TFDP2: variants seen among roughly 807,000 people sequenced by gnomAD.
The protein encoded by TFDP2 is transcription factor Dp-2, also known as transcription factor Dp-2 (E2F dimerization partner 2).
Under a neutral mutation model 59.3 loss-of-function variants are expected in TFDP2, and 17 were observed. That is an observed-to-expected ratio of 0.29 (90% CI 0.20 to 0.43). The LOEUF (loss-of-function observed/expected upper bound fraction) is 0.43, where lower values mean the gene tolerates loss of function less well. TFDP2 is among the 20% of genes least tolerant of loss of function. The probability of loss-of-function intolerance (pLI) is 1.00; values close to 1 mark genes in which losing one functional copy is unlikely to be tolerated. For missense variants in TFDP2, 391 were observed against 528.8 expected (o/e 0.74, Z 2.56); for synonymous variants, 180 against 194.7 (o/e 0.92, Z 0.63).
chr3:141,983,053 A>T (rs912173440), intron 6 of TFDP2, among the ~76,000 whole-genome samples: 1 of 152,234 alleles, frequency 6.6e-6, no homozygotes, highest in African/African-American at 2.4e-5. Context: ...TTTCATAAGC[A>T]ATATAAAACC....
chr3:142,070,271 C>T (rs911804191), intron 3 of TFDP2, among the ~76,000 whole-genome samples: 3 of 152,030 alleles, frequency 2.0e-5, no homozygotes, highest in Admixed American at 6.6e-5. Flanking sequence ...GAGTGAAATA[C>T]GATACATCAG....
intron 1 of TFDP2, among the ~76,000 whole-genome samples, chr3:142,142,827 A>T (rs1283431508): frequency 6.6e-6 from 1 of 152,256 alleles, no homozygotes; most frequent in African/African-American, 2.4e-5. Context: ...TTTTCCACAA[A>T]GATGCCAAGA....
intron 3 of TFDP2, among the ~76,000 whole-genome samples, chr3:142,015,785 T>A (rs1055178194): frequency 6.6e-6 from 1 of 152,202 alleles, no homozygotes; most frequent in East Asian, 1.9e-4. Flanking sequence ...TTAATTTTAA[T>A]TAACATATTT....
At chr3:141,959,928 G>A in intron 10 of TFDP2, 88 bp from the exon 11 acceptor site, 1 of 1,330,834 alleles carries the variant, frequency 7.5e-7, no homozygotes, top group Non-Finnish European at 1.0e-6. Flanking sequence ...AACAGAATGG[G>A]GGCCTAAATC....
intron 3 of TFDP2, among the ~76,000 whole-genome samples, chr3:142,014,859 C>G (rs1019944129): frequency 2.0e-5 from 3 of 152,210 alleles, no homozygotes; most frequent in African/African-American, 7.2e-5. Flanking sequence ...CCTCCAGTTA[C>G]CAACTAATTT....
rs762134458 is a variant in TFDP2, at chr3:141,978,399, TC to T, written c.519+120del. ...AATAAAACTCAACAACAACAAAAAATCCCCCAAAATAAAGGATAAAACCCTC... is the reference window on the plus strand; with the variant it reads ...AATAAAACTCAACAACAACAAAAAATCCCCAAAATAAAGGATAAAACCCTC... On this transcript the variant is annotated intron_variant, in intron 7 of 12. Coordinates refer to ENST00000489671, the MANE Select transcript of TFDP2 (RefSeq NM_001178139.2). The T allele has an allele frequency of 3.0e-6, 3 of 1,012,098 alleles. No individual in the cohort carries two copies. The Admixed American group carries it at 9.7e-5, about 33-fold the overall frequency. 62.7% of individuals were successfully genotyped at this position (1,012,098 alleles called of 1,614,324 possible). A position where few individuals can be genotyped will look rare whatever the true frequency, so the allele number is the denominator to read the frequency against.
intron 5 of TFDP2, chr3:141,994,374 C>T (rs1013291274): frequency 1.1e-4 from 17 of 152,030 alleles, no homozygotes; most frequent in African/African-American, 3.6e-4. Context: ...AGTAACAAAA[C>T]GTCTAAGGTA....
chr3:141,987,938 C>CAAA (rs373394427), intron 6 of TFDP2, among the ~76,000 whole-genome samples: 1 of 129,552 alleles, frequency 7.7e-6, no homozygotes. Flanking sequence ...GACCCTGCCT[C>CAAA]AAAAAAAAAA....
rs2063300781 is a variant in TFDP2, at chr3:142,149,281, GGC to G, written c.-193_-192del. The G allele has an allele frequency of 2.5e-6, 1 of 396,400 alleles. No homozygotes were observed. Among genetic ancestry groups the G allele is most frequent in the African/African-American group, 2.1e-5 (1 of 48,612 alleles). The allele number at this position is 396,400 out of a possible 1,614,324, so 24.6% of individuals were successfully genotyped here. A position where few individuals can be genotyped will look rare whatever the true frequency, so the allele number is the denominator to read the frequency against. On this transcript the variant is annotated 5_prime_UTR_variant, in exon 1 of 13. Transcript: ENST00000489671. The stretch of plus-strand genomic sequence containing the variant: ...GCCGCTTCTGTGGCGCCCGCGCTTA[GGC>G]GGCGGCCGGGTCCCGGTGGACTCAC...
At chr3:142,057,058 C>A (rs192198820) in intron 3 of TFDP2, among the ~76,000 whole-genome samples, 2 of 152,282 alleles carry the variant, frequency 1.3e-5, no homozygotes, top group Admixed American at 6.5e-5. Flanking sequence ...TATGAACAGG[C>A]CTACACTCAT....
At chr3:142,026,238 C>A (rs929138065) in intron 3 of TFDP2, among the ~76,000 whole-genome samples, 4 of 151,910 alleles carry the variant, frequency 2.6e-5, no homozygotes, top group African/African-American at 4.8e-5. Context: ...GCCTGTAGTC[C>A]CAGCTACTGG....
At chr3:142,013,506 A>G (rs1944883485) in intron 3 of TFDP2, among the ~76,000 whole-genome samples, 1 of 152,198 alleles carries the variant, frequency 6.6e-6, no homozygotes, top group Non-Finnish European at 1.5e-5. Flanking sequence ...CTCCTTGGCA[A>G]TAGGAGCTCG....
In TFDP2 at chr3:142,124,315, C is replaced by G. The variant is rs1051036956; in HGVS notation, c.-92-22474G>C. On this transcript the variant is annotated intron_variant, in intron 1 of 12. Coordinates refer to ENST00000489671, the MANE Select transcript of TFDP2 (RefSeq NM_001178139.2). ...GAAACACAGAAGGATTGACCTCATC[C>G]AATTATTTAAACAAGTTGTAAAGTC... 1.1e-4 allele frequency among the ~76,000 whole-genome samples: 16 copies of G among 152,210 alleles called. No individual in the cohort carries two copies. In the South Asian group the frequency reaches 1.9e-3, roughly 18 times the overall value.
chr3:142,069,733 G>A lies in TFDP2; in HGVS notation c.82+23328C>T, dbSNP rs368023616. ...AGTGATTCTCCTGCCTCAGCCTCCT[G>A]AGTAGCTGGGATTACAGGCATCCAC... On this transcript the variant is annotated intron_variant, in intron 3 of 12. Coordinates refer to ENST00000489671, the MANE Select transcript of TFDP2 (RefSeq NM_001178139.2). 1.8e-4 allele frequency among the ~76,000 whole-genome samples: 27 copies of A among 151,630 alleles called. No homozygotes were observed. In the East Asian group the frequency reaches 4.9e-3, roughly 27 times the overall value.
chr3:142,073,478 A>T (rs1414863793), intron 3 of TFDP2, among the ~76,000 whole-genome samples: 6 of 110,210 alleles, frequency 5.4e-5, no homozygotes, highest in African/African-American at 9.1e-5. Flanking sequence ...CCCGCAAAAA[A>T]AAAAAATAAA....
At chr3:142,124,189 A>G (rs916711967) in intron 1 of TFDP2, among the ~76,000 whole-genome samples, 1 of 152,220 alleles carries the variant, frequency 6.6e-6, no homozygotes, top group Admixed American at 6.5e-5. Context: ...CTATGAATAG[A>G]ATGAATCACA....
intron 3 of TFDP2, among the ~76,000 whole-genome samples, chr3:142,005,781 AAAAT>A (rs1349601183): frequency 1.3e-5 from 2 of 152,218 alleles, no homozygotes; most frequent in Non-Finnish European, 2.9e-5. Flanking sequence ...GAAACTCTAT[AAAAT>A]AAATAGTTCC....
chr3:142,086,957 G>A (rs2060825331), intron 3 of TFDP2, among the ~76,000 whole-genome samples: 1 of 152,136 alleles, frequency 6.6e-6, no homozygotes, highest in South Asian at 2.1e-4. Flanking sequence ...CTACCACTCA[G>A]GAAATTACAA....
At chr3:142,052,833 G>A (rs978527931) in intron 3 of TFDP2, among the ~76,000 whole-genome samples, 2 of 151,398 alleles carry the variant, frequency 1.3e-5, no homozygotes, top group South Asian at 2.1e-4. Context: ...TTTTTGAGAT[G>A]GAGTCTTGCT....
Sources: allele counts gnomAD v4.1 joint callset (sites outside exome capture counted in the v4.1 genomes callset), GRCh38; gene constraint gnomAD v4.1.1; transcripts MANE v1.5; gene names NCBI Gene and HGNC (gene_info 2026-07-23, HGNC 2026-07-21).